Variants in LINGO2 observed in about 807,000 individuals in gnomAD.
The protein encoded by LINGO2 is leucine-rich repeat and immunoglobulin-like domain-containing nogo receptor-interacting protein 2.
LINGO2 carries 14 observed loss-of-function variants against 30.6 expected under a neutral mutation model. The observed-to-expected ratio is 0.46, with a 90% CI of 0.30 to 0.72. The LOEUF is 0.72. Ranked by LOEUF, LINGO2 falls within the 30% of genes least tolerant of loss-of-function variation. The pLI, the probability that LINGO2 is intolerant of heterozygous loss-of-function variation, is 0.07. For missense variants in LINGO2, 729 were observed against 751.7 expected (o/e 0.97, Z 0.35); for synonymous variants, 317 against 288.5 (o/e 1.10, Z -1.00).
At chr9:28,904,106 A>G in the LINGO2 span, among the ~76,000 whole-genome samples, 10 of 152,108 alleles carry the variant, frequency 6.6e-5, no homozygotes, top group Non-Finnish European at 1.5e-4. Flanking sequence ...GTAGGATAAA[A>G]ACAATACAAT....
chr9:28,104,688 A>G (rs1043380484), intron 4 of LINGO2, among the ~76,000 whole-genome samples: 4 of 152,084 alleles, frequency 2.6e-5, no homozygotes, highest in Non-Finnish European at 4.4e-5. Context: ...TCTTTCTACT[A>G]AAACTTACAC....
chr9:28,354,329 C>T (rs1929820), intron 3 of LINGO2, among the ~76,000 whole-genome samples: 59,266 of 151,846 alleles, frequency 0.39, 12,131 homozygotes, highest in South Asian at 0.55. Flanking sequence ...GGTAATTATG[C>T]AAATTCATGT....
At chr9:28,948,186 A>G in the LINGO2 span, among the ~76,000 whole-genome samples, 3 of 152,226 alleles carry the variant, frequency 2.0e-5, no homozygotes, top group African/African-American at 7.2e-5. Context: ...TATCAGCAAT[A>G]GCATATAGAT....
At chr9:27,971,122 C>T (rs1820331046) in intron 5 of LINGO2, among the ~76,000 whole-genome samples, 2 of 151,972 alleles carry the variant, frequency 1.3e-5, no homozygotes, top group African/African-American at 4.8e-5. Context: ...ACCCCAAGTT[C>T]TATAGCTACA....
chr9:29,088,768 T>C, the LINGO2 span, among the ~76,000 whole-genome samples: 1 of 152,170 alleles, frequency 6.6e-6, no homozygotes, highest in Admixed American at 6.6e-5. Flanking sequence ...CTGAAAAAAT[T>C]ATTTTGGAAT....
the LINGO2 span, among the ~76,000 whole-genome samples, chr9:28,876,007 C>T: frequency 6.6e-6 from 1 of 151,938 alleles, no homozygotes. Flanking sequence ...AAAAAATCAA[C>T]TAACAATAAA....
chr9:28,996,246 G>A, the LINGO2 span, among the ~76,000 whole-genome samples: 1 of 151,974 alleles, frequency 6.6e-6, no homozygotes, highest in Non-Finnish European at 1.5e-5. Flanking sequence ...ATTTTTACTA[G>A]AATAAATAGC....
At chr9:28,191,414 T>C (rs925960770) in intron 4 of LINGO2, among the ~76,000 whole-genome samples, 1 of 152,196 alleles carries the variant, frequency 6.6e-6, no homozygotes, top group Admixed American at 6.6e-5. Flanking sequence ...TCCTGCTGCC[T>C]GTGATTTCAT....
the LINGO2 span, among the ~76,000 whole-genome samples, chr9:28,821,200 G>C: frequency 2.0e-4 from 30 of 152,330 alleles, no homozygotes; most frequent in South Asian, 8.3e-4. Context: ...GCACTGACTA[G>C]GGGCATATCT....
intron 4 of LINGO2, among the ~76,000 whole-genome samples, chr9:28,292,464 T>A (rs1026401286): frequency 1.3e-5 from 2 of 152,196 alleles, no homozygotes. Context: ...TTATCTTTAT[T>A]TTTTAATTTT....
At chr9:28,873,082 A>C in the LINGO2 span, among the ~76,000 whole-genome samples, 1 of 152,158 alleles carries the variant, frequency 6.6e-6, no homozygotes, top group Non-Finnish European at 1.5e-5. Context: ...TACTAGTAAG[A>C]AAACTATTTC....
chr9:28,551,889 T>C (rs1822303995), intron 1 of LINGO2, among the ~76,000 whole-genome samples: 1 of 152,090 alleles, frequency 6.6e-6, no homozygotes, highest in Non-Finnish European at 1.5e-5. Flanking sequence ...ATGCAATTTT[T>C]ACATTGCCAT....
intron 1 of LINGO2, among the ~76,000 whole-genome samples, chr9:28,524,480 C>A (rs560778117): frequency 6.6e-6 from 1 of 152,154 alleles, no homozygotes; most frequent in Non-Finnish European, 1.5e-5. Flanking sequence ...AAGGGCCGGG[C>A]GTGGTGGCTC....
chr9:28,628,246 A>G (rs925019710), intron 1 of LINGO2, among the ~76,000 whole-genome samples: 5 of 149,810 alleles, frequency 3.3e-5, no homozygotes, highest in African/African-American at 1.2e-4. Flanking sequence ...AAAAAGTAAT[A>G]CATTTCCTTC....
chr9:28,892,870 T>C, the LINGO2 span, among the ~76,000 whole-genome samples: 1 of 152,036 alleles, frequency 6.6e-6, no homozygotes, highest in Non-Finnish European at 1.5e-5. Context: ...AAATTATTTT[T>C]TTAGAAAAAA....
the LINGO2 span, among the ~76,000 whole-genome samples, chr9:28,731,014 G>T: frequency 2.7e-5 from 4 of 150,790 alleles, no homozygotes; most frequent in Admixed American, 6.6e-5. Flanking sequence ...TTTTGAAACA[G>T]AGTTTCACTC....
chr9:28,729,853 C>T, the LINGO2 span, among the ~76,000 whole-genome samples: 1 of 151,496 alleles, frequency 6.6e-6, no homozygotes, highest in East Asian at 1.9e-4. Flanking sequence ...ACTAGGGGTC[C>T]AAAAAGCATG....
intron 4 of LINGO2, among the ~76,000 whole-genome samples, chr9:28,251,013 A>G (rs544544514): frequency 6.6e-6 from 1 of 152,146 alleles, no homozygotes; most frequent in Non-Finnish European, 1.5e-5. Context: ...GGCAATCACA[A>G]GGTGTTCTCC....
At chr9:28,881,277 C>G in the LINGO2 span, among the ~76,000 whole-genome samples, 1 of 152,082 alleles carries the variant, frequency 6.6e-6, no homozygotes, top group African/African-American at 2.4e-5. Flanking sequence ...GTATGTCACA[C>G]CACGCCTGGC....
Sources: gnomAD v4.1 joint callset for allele counts (sites outside exome capture counted in the v4.1 genomes callset) on GRCh38, gnomAD v4.1.1 for gene constraint, MANE v1.5 for transcripts, NCBI Gene and HGNC (gene_info 2026-07-23, HGNC 2026-07-21) for gene names.